ANKRD28: variants seen among roughly 807,000 people sequenced by gnomAD.
The protein encoded by ANKRD28 is ankyrin repeat domain 28.
ANKRD28 carries 44 observed loss-of-function variants against 126.5 expected under a neutral mutation model. That is an observed-to-expected ratio of 0.35 (90% CI 0.27 to 0.45). ANKRD28 has a LOEUF of 0.45. ANKRD28 is among the 20% of genes least tolerant of loss of function. The pLI, the probability that ANKRD28 is intolerant of heterozygous loss-of-function variation, is 1.00. For missense variants in ANKRD28, 1,110 were observed against 1,316.6 expected (o/e 0.84, Z 2.43); for synonymous variants, 442 against 468.5 (o/e 0.94, Z 0.73).
At chr3:15,678,088 A>G in intron 24 of ANKRD28, 121 bp downstream of exon 24, 1 of 1,005,506 alleles carries the variant, frequency 9.9e-7, no homozygotes, top group South Asian at 1.9e-5. Flanking sequence ...GCAAACAGGT[A>G]AAAGGTTTTA....
chr3:15,824,878 T>C (rs1178987339), intron 1 of ANKRD28, among the ~76,000 whole-genome samples: 3 of 152,230 alleles, frequency 2.0e-5, no homozygotes, highest in African/African-American at 7.2e-5. Context: ...GAGGACAGAC[T>C]GGTAGAAATA....
chr3:15,724,436 T>C lies in ANKRD28; in HGVS notation c.729A>G (p.Ala243=), dbSNP rs754528578. 4 of 1,605,480 alleles carry C rather than the reference T, an allele frequency of 2.5e-6. No individual in the cohort carries two copies. The East Asian group carries it at 8.9e-5, about 36-fold the overall frequency. Residue 243 remains alanine, a synonymous_variant, in exon 7 of 28, where the codon GCA becomes GCG. Transcript: ENST00000683139. The stretch of plus-strand genomic sequence containing the variant: ...CTACGCTGATCATTCCACTAGAGGC[T>C]GCTGCATGAAGAGGTGTATAAGACT... ...DKKSYTPLHA[A]ASSGMISVVK...
rs2061461342 is a variant in ANKRD28, at chr3:15,843,353, A to G, written c.27+16024T>C. Among the ~76,000 whole-genome samples, 1 of 152,168 alleles carries G rather than the reference A, an allele frequency of 6.6e-6. No homozygotes were observed. Among genetic ancestry groups the G allele is most frequent in the Non-Finnish European group, 1.5e-5 (1 of 68,042 alleles). On this transcript the variant is annotated intron_variant, in intron 1 of 27. Transcript: ENST00000399451. This position sits in a 1 kb window ranked among gnomAD's most constrained non-coding sequence, Gnocchi z 5.2. ...CCAGACCCCAATCCCAACACTAAAGATTACATGTCAACATGAGATGTGGGC... is the reference window on the plus strand; with the variant it reads ...CCAGACCCCAATCCCAACACTAAAGGTTACATGTCAACATGAGATGTGGGC...
At chr3:15,749,204 G>A (rs529638664) in intron 4 of ANKRD28, among the ~76,000 whole-genome samples, 209 of 143,916 alleles carry the variant, frequency 1.5e-3, no homozygotes, top group Admixed American at 4.1e-3. Context: ...TCCGCTTCCC[G>A]GGTTCACGCC....
chr3:15,797,392 C>A lies in ANKRD28; in HGVS notation c.-871G>T, dbSNP rs1216760647. On this transcript the variant is annotated 5_prime_UTR_variant, in exon 1 of 28. Transcript: ENST00000683139. ...CATCGATAGCATAAGCAAGGCAGAG[C>A]GTTCATTCTTTCTCCATCAGGCAGT... is the stretch of plus-strand genomic sequence containing the variant. The A allele has an allele frequency of 4.1e-6, 4 of 985,268 alleles. No individual in the cohort carries two copies. Among genetic ancestry groups the A allele is most frequent in the East Asian group, 2.3e-4 (2 of 8,806 alleles). The allele number at this position is 985,268 out of a possible 1,614,324, so 61.0% of individuals were successfully genotyped here.
intron 14 of ANKRD28, among the ~76,000 whole-genome samples, chr3:15,705,123 G>A (rs1313859325): frequency 6.6e-6 from 1 of 152,136 alleles, no homozygotes; most frequent in African/African-American, 2.4e-5. Context: ...ACTTTCCAGT[G>A]TATCAGGCTG....
At chr3:15,724,290 A>T in intron 7 of ANKRD28, 92 bp downstream of exon 7, 1 of 1,119,114 alleles carries the variant, frequency 8.9e-7, no homozygotes, top group Middle Eastern at 2.4e-4. Context: ...ATTGTATAAA[A>T]TAATTTCTTA....
intron 1 of ANKRD28, among the ~76,000 whole-genome samples, chr3:15,858,380 T>A (rs2061820343): frequency 1.3e-5 from 2 of 152,230 alleles, no homozygotes; most frequent in South Asian, 4.1e-4. Flanking sequence ...AAAATTCACT[T>A]ATGAAATGAG....
At chr3:15,712,580 G>A (rs1314979505) in intron 10 of ANKRD28, among the ~76,000 whole-genome samples, 8 of 152,140 alleles carry the variant, frequency 5.3e-5, no homozygotes, top group Non-Finnish European at 8.8e-5. Flanking sequence ...AACCAAAAAT[G>A]TATCTGGACA....
intron 10 of ANKRD28, among the ~76,000 whole-genome samples, chr3:15,713,031 A>G (rs2455836): frequency 0.49 from 74,382 of 152,066 alleles, 20,188 homozygotes; most frequent in Non-Finnish European, 0.6. Flanking sequence ...TTCAAACAAA[A>G]TATTACAATG....
chr3:15,749,101 G>GTTTTTTTTTTTTTTT (rs869266246), intron 4 of ANKRD28, among the ~76,000 whole-genome samples: 24 of 53,082 alleles, frequency 4.5e-4, no homozygotes, highest in East Asian at 2.0e-3. Flanking sequence ...TTATGTTTTT[G>GTTTTTTTTTTTTTTT]TTTTTTTTTT....
chr3:15,811,667 A>C (rs560949817), intron 1 of ANKRD28, among the ~76,000 whole-genome samples: 192 of 151,788 alleles, frequency 1.3e-3, no homozygotes, highest in Non-Finnish European at 2.6e-3. Context: ...GTTGGCCAGG[A>C]TGGTCTTGAT....
chr3:15,835,453 A>C (rs188732435), intron 1 of ANKRD28, among the ~76,000 whole-genome samples: 1 of 152,288 alleles, frequency 6.6e-6, no homozygotes, highest in Non-Finnish European at 1.5e-5. Context: ...ACAACAACAA[A>C]AAAAGGTAGA....
Position 15,720,967 on chromosome 3 carries a change from C to A in ANKRD28, c.944G>T (p.Gly315Val). 2 of 1,613,834 alleles carry A rather than the reference C, an allele frequency of 1.2e-6. No homozygotes were observed. The highest frequency in any genetic ancestry group is 1.1e-5 in the South Asian group (1 of 91,080). ...PLHFAAASTHGALCLELLVGN... is the reference protein window; with the variant it reads ...PLHFAAASTHVALCLELLVGN... ...AACTAGAAGCTCTAAACACAATGCT[C>A]CATGTGTTGATGCAGCAGCAAAGTG... Residue 315 changes from glycine to valine, a missense_variant, in exon 8 of 28, where the codon GGA becomes GTA. Gly to Val is a moderately radical substitution (Grantham distance 109, BLOSUM62 -3). Coordinates refer to ENST00000683139, the MANE Select transcript of ANKRD28 (RefSeq NM_001349278.2).
chr3:15,828,664 T>TG (rs922660239), intron 1 of ANKRD28, among the ~76,000 whole-genome samples: 4 of 25,334 alleles, frequency 1.6e-4, no homozygotes, highest in Admixed American at 5.0e-4. Flanking sequence ...TCTGGGGGGG[T>TG]GGGGGGGATT....
Position 15,711,227 on chromosome 3 carries a change from C to G in ANKRD28, c.1321G>C (p.Ala441Pro). 1 of 1,612,528 alleles carries G rather than the reference C, an allele frequency of 6.2e-7. No homozygotes were observed. The highest frequency in any genetic ancestry group is 8.5e-7 in the Non-Finnish European group (1 of 1,178,976). Residue 441 changes from alanine (A) to proline (P), a missense_variant, in exon 12 of 28, where the codon GCA (alanine) becomes CCA (proline). By Grantham distance (27) the Ala-to-Pro change is conservative. Coordinates refer to ENST00000683139, the MANE Select transcript of ANKRD28 (RefSeq NM_001349278.2). Reference protein sequence around the residue: ...PDDFGRTCLHAAAAGGNLECL... With the variant: ...PDDFGRTCLHPAAAGGNLECL... ...TTAACATACCCTCCAGCTGCAGCTG[C>G]ATGTAGACAAGTCCTGCCAAAATCA...
chr3:15,691,661 A>G (rs1022165709), intron 17 of ANKRD28, among the ~76,000 whole-genome samples: 4 of 152,234 alleles, frequency 2.6e-5, no homozygotes, highest in African/African-American at 9.6e-5. Flanking sequence ...ATCTGTGTAG[A>G]AACTTGACTA....
intron 2 of ANKRD28, among the ~76,000 whole-genome samples, chr3:15,777,702 G>A (rs886426776): frequency 6.6e-6 from 1 of 152,008 alleles, no homozygotes; most frequent in Non-Finnish European, 1.5e-5. Context: ...CAAAACACAT[G>A]TGTACCCGAA....
intron 2 of ANKRD28, among the ~76,000 whole-genome samples, chr3:15,791,775 T>C (rs544856420): frequency 2.4e-4 from 36 of 152,250 alleles, no homozygotes; most frequent in Non-Finnish European, 4.6e-4. Flanking sequence ...AAAAAGCTTC[T>C]GCACAGCAAA....
Sources: gnomAD v4.1 joint callset for allele counts (sites outside exome capture counted in the v4.1 genomes callset) on GRCh38, gnomAD v4.1.1 for gene constraint, Gnocchi (gnomAD v3.1) non-coding constraint, MANE v1.5 for transcripts, NCBI Gene and HGNC (gene_info 2026-07-23, HGNC 2026-07-21) for gene names.